NUP58: variants seen among roughly 807,000 people sequenced by gnomAD.
NUP58 encodes the protein nucleoporin p58/p45.
NUP58 carries 17 observed loss-of-function variants against 70.1 expected under a neutral mutation model. The observed-to-expected ratio is 0.24, with a 90% confidence interval of 0.17 to 0.36. NUP58 has a LOEUF of 0.36. NUP58 is among the 10% of genes least tolerant of loss of function. The pLI is 1.00. For synonymous variants in NUP58, 275 were observed against 257.6 expected (o/e 1.07, Z -0.65); for missense variants, 644 against 701.5 (o/e 0.92, Z 0.93).
At chr13:25,319,115 A>G (rs1268259392) in intron 6 of NUP58, among the ~76,000 whole-genome samples, 2 of 152,236 alleles carry the variant, frequency 1.3e-5, no homozygotes, top group Non-Finnish European at 2.9e-5. Context: ...TACATCTGCC[A>G]TATATCTGCT....
At chr13:25,342,970 A>G (rs1053186447), downstream of NUP58, among the ~76,000 whole-genome samples, 1 of 152,174 alleles carries the variant, frequency 6.6e-6, no homozygotes, top group African/African-American at 2.4e-5. Flanking sequence ...TGGGTGTACA[A>G]TGATCTGTTT....
intron 3 of NUP58, among the ~76,000 whole-genome samples, chr13:25,348,492 G>T (rs1260993310): frequency 6.6e-6 from 1 of 152,070 alleles, no homozygotes; most frequent in Non-Finnish European, 1.5e-5. Context: ...GCCCAGGCTG[G>T]TCTTGAACTC....
intron 12 of NUP58, among the ~76,000 whole-genome samples, chr13:25,330,716 AACAC>A (rs1358803870): frequency 6.6e-6 from 1 of 152,126 alleles, no homozygotes; most frequent in East Asian, 1.9e-4. Context: ...TGGAGTTACA[AACAC>A]TTTTTTTCTT....
chr13:25,334,599 G>T, intron 13 of NUP58: 1 of 984,182 alleles, frequency 1.0e-6, no homozygotes, highest in South Asian at 4.7e-5. Context: ...TGGGGAAAAC[G>T]CATTTTAGGT....
At chr13:25,316,982 T>A (rs1212260670) in intron 6 of NUP58, among the ~76,000 whole-genome samples, 1 of 152,256 alleles carries the variant, frequency 6.6e-6, no homozygotes, top group Non-Finnish European at 1.5e-5. Context: ...TATGGATCTC[T>A]GATTACTACA....
At chr13:25,324,913 T>C (rs1241153041) in intron 9 of NUP58, 76 bp from the exon 10 acceptor site, 1 of 939,494 alleles carries the variant, frequency 1.1e-6, no homozygotes, top group Non-Finnish European at 1.6e-6. Context: ...AGACTGAATA[T>C]TTTTTTTCGT....
chr13:25,319,426 T>G, intron 7 of NUP58, 76 bp downstream of exon 7: 1 of 1,364,164 alleles, frequency 7.3e-7, no homozygotes, highest in Non-Finnish European at 1.0e-6. Context: ...GATGGTATAA[T>G]TGAAAGTAAA....
At chr13:25,326,208 C>T (rs2031388193) in intron 10 of NUP58, among the ~76,000 whole-genome samples, 1 of 152,210 alleles carries the variant, frequency 6.6e-6, no homozygotes, top group Admixed American at 6.5e-5. Context: ...TGGACTTCCT[C>T]TACTATTTTA....
intron 13 of NUP58, chr13:25,335,263 CTTATG>C (rs1366127997): frequency 5.1e-6 from 5 of 985,136 alleles, no homozygotes; most frequent in Non-Finnish European, 6.0e-6. Context: ...TTAGAAAAAT[CTTATG>C]TTCTGTTGCT....
At chr13:25,335,318 T>G in intron 13 of NUP58, 1 of 985,396 alleles carries the variant, frequency 1.0e-6, no homozygotes, top group Non-Finnish European at 1.2e-6. Context: ...GCATGCTATT[T>G]GAGTAACTCT....
intron 13 of NUP58, chr13:25,333,875 T>A: frequency 3.0e-6 from 3 of 985,372 alleles, no homozygotes; most frequent in Non-Finnish European, 3.6e-6. Context: ...TATACAAGAT[T>A]TGAGTTATCA....
intron 13 of NUP58, chr13:25,335,884 C>A: frequency 9.3e-7 from 1 of 1,078,580 alleles, no homozygotes; most frequent in Non-Finnish European, 1.1e-6. Context: ...AAAGACAATA[C>A]TGAAGATTGT....
At chr13:25,309,506 A>G (rs1340027139) in intron 3 of NUP58, 1 of 419,786 alleles carries the variant, frequency 2.4e-6, no homozygotes, top group Non-Finnish European at 4.2e-6. Context: ...AGTATTTTAA[A>G]TGCAGAAATT....
chr13:25,308,499 T>A (rs2030493555), intron 2 of NUP58, among the ~76,000 whole-genome samples: 1 of 151,392 alleles, frequency 6.6e-6, no homozygotes, highest in South Asian at 2.1e-4. Context: ...ACTTTTTTAC[T>A]TTTTGTAGAG....
chr13:25,336,227 A>C, intron 13 of NUP58: 1 of 1,367,224 alleles, frequency 7.3e-7, no homozygotes, highest in Non-Finnish European at 9.8e-7. Flanking sequence ...TAAGTGGTGT[A>C]ATGTAGCAGA....
intron 5 of NUP58, among the ~76,000 whole-genome samples, chr13:25,314,294 A>G (rs1240198349): frequency 4.6e-5 from 7 of 151,456 alleles, no homozygotes; most frequent in Admixed American, 4.6e-4. Context: ...CAGATAAGGA[A>G]ACAAAGAAGA....
intron 9 of NUP58, among the ~76,000 whole-genome samples, chr13:25,321,890 C>G (rs919683914): frequency 2.0e-5 from 3 of 152,154 alleles, no homozygotes; most frequent in Admixed American, 2.0e-4. Flanking sequence ...GTACTCCAGC[C>G]TGGGCAACAA....
intron 7 of NUP58, 48 bp downstream of exon 7, chr13:25,319,398 C>A (rs767187124): frequency 1.2e-5 from 18 of 1,533,096 alleles, no homozygotes; most frequent in Admixed American, 3.4e-5. Flanking sequence ...AAGAGTTTAA[C>A]TTATTAAATT....
intron 15 of NUP58, 69 bp downstream of exon 15, chr13:25,338,800 T>G: frequency 7.1e-7 from 1 of 1,401,640 alleles, no homozygotes; most frequent in South Asian, 1.2e-5. Context: ...AAAGTATGTG[T>G]TGTTATTTCC....
Sources: gnomAD v4.1 joint callset for allele counts (sites outside exome capture counted in the v4.1 genomes callset) on GRCh38, gnomAD v4.1.1 for gene constraint, MANE v1.5 for transcripts, NCBI Gene and HGNC (gene_info 2026-07-23, HGNC 2026-07-21) for gene names.